Variants in SERTAD2 observed in about 807,000 individuals in gnomAD.
SERTAD2 encodes SERTA domain-containing protein 2.
A neutral mutation model predicts 15.4 loss-of-function variants in SERTAD2; 2 were observed. That is an observed-to-expected ratio of 0.13 (90% CI 0.05 to 0.41). The LOEUF is 0.41. Among genes scored for constraint, SERTAD2 ranks in the 10% least tolerant of loss-of-function variants. The pLI, the probability that SERTAD2 is intolerant of heterozygous loss-of-function variation, is 0.99. For missense variants in SERTAD2, 333 were observed against 409.7 expected (o/e 0.81, Z 1.62); for synonymous variants, 180 against 178.0 (o/e 1.01, Z -0.09).
chr2:64,637,318 G>A (rs1674682294), intron 1 of SERTAD2, among the ~76,000 whole-genome samples: 1 of 152,222 alleles, frequency 6.6e-6, no homozygotes, highest in Non-Finnish European at 1.5e-5. Context: ...AGGTGTCATA[G>A]ATTACAGCTT....
chr2:64,653,105 T>C (rs1675048795), intron 1 of SERTAD2, among the ~76,000 whole-genome samples: 1 of 150,228 alleles, frequency 6.7e-6, no homozygotes, highest in African/African-American at 2.5e-5. Flanking sequence ...GAAAAGAGGG[T>C]GGAGAGGAAG....
At chr2:64,641,363 C>T (rs1030627410) in intron 1 of SERTAD2, among the ~76,000 whole-genome samples, 5 of 152,188 alleles carry the variant, frequency 3.3e-5, no homozygotes, top group African/African-American at 1.2e-4. Flanking sequence ...TGAGAGATTA[C>T]TGTGGGCTGG....
rs1674564471 is a variant in SERTAD2, at chr2:64,632,773, G to C, written c.*3154C>G. On this transcript the variant is annotated 3_prime_UTR_variant, in exon 2 of 2. Transcript: ENST00000313349. The stretch of plus-strand genomic sequence containing the variant: ...TTAATACAGATTTACATTCCTACAA[G>C]AGAATACATTCCTACCATACATTCT... 6.6e-6 allele frequency: 1 copy of C among 152,564 alleles called. No individual in the cohort carries two copies. The highest frequency in any genetic ancestry group is 2.4e-5 in the African/African-American group (1 of 41,418). The allele number at this position is 152,564 out of a possible 1,614,324, so 9.5% of individuals were successfully genotyped here.
chr2:64,636,239 A>G lies in SERTAD2; in HGVS notation c.633T>C (p.Pro211=), dbSNP rs760004997. ...SEAGTQKLDG[P]QESRADDSKL... ...TTGAGTCATCTGCGCGGCTCTCTTGAGGACCGTCGAGTTTCTGGGTGCCAG... is the reference window on the plus strand; with the variant it reads ...TTGAGTCATCTGCGCGGCTCTCTTGGGGACCGTCGAGTTTCTGGGTGCCAG... Residue 211 remains proline (P), a synonymous_variant, in exon 2 of 2, where the codon CCT becomes CCC. Transcript: ENST00000313349. 4 of 1,614,178 alleles carry G rather than the reference A, an allele frequency of 2.5e-6. No homozygotes were observed. In the South Asian group the frequency reaches 3.3e-5, roughly 13 times the overall value.
chr2:64,650,006 G>T (rs76687713), intron 1 of SERTAD2, among the ~76,000 whole-genome samples: 1,638 of 152,274 alleles, frequency 0.011, 18 homozygotes, highest in South Asian at 0.018. Context: ...AACTGCAATG[G>T]GTGCGGAATA....
intron 1 of SERTAD2, among the ~76,000 whole-genome samples, chr2:64,638,692 T>TA (rs1224612932): frequency 5.6e-5 from 4 of 70,964 alleles, no homozygotes; most frequent in African/African-American, 2.1e-4. Context: ...TGTTAACATT[T>TA]AAAAAATGGC....
In SERTAD2 at chr2:64,636,709, T is replaced by C; in HGVS notation, c.163A>G (p.Thr55Ala). 1 of 1,614,128 alleles carries C rather than the reference T, an allele frequency of 6.2e-7. No individual in the cohort carries two copies. Among genetic ancestry groups the C allele is most frequent in the Non-Finnish European group, 8.5e-7 (1 of 1,180,030 alleles). Reference protein sequence around the residue: ...LMKLYNHRPLTEPSLQKTVLI... With the variant: ...LMKLYNHRPLAEPSLQKTVLI... ...ACGGTCTTTTGCAAGCTGGGCTCTG[T>C]CAGGGGCCTGTGGTTATAGAGTTTC... Residue 55 changes from threonine to alanine, a missense_variant, in exon 2 of 2, where the codon ACA (threonine) becomes GCA (alanine). Thr to Ala is a moderately conservative substitution (Grantham distance 58). Transcript: ENST00000313349.
chr2:64,651,954 T>C (rs1458858281), intron 1 of SERTAD2, among the ~76,000 whole-genome samples: 1 of 151,662 alleles, frequency 6.6e-6, no homozygotes, highest in Non-Finnish European at 1.5e-5. Flanking sequence ...GAGAACAACA[T>C]GGTTATGTAT....
At chr2:64,652,063 C>T (rs1419016340) in intron 1 of SERTAD2, among the ~76,000 whole-genome samples, 1 of 151,550 alleles carries the variant, frequency 6.6e-6, no homozygotes, top group Non-Finnish European at 1.5e-5. Flanking sequence ...ATATAATACC[C>T]CTCTAAAGAA....
chr2:64,635,065 T>C lies in SERTAD2; in HGVS notation c.*862A>G, dbSNP rs1257637662. 2 of 152,654 alleles carry C rather than the reference T, an allele frequency of 1.3e-5. No homozygotes were observed. The highest frequency in any genetic ancestry group is 2.9e-5 in the Non-Finnish European group (2 of 68,056). 9.5% of individuals were successfully genotyped at this position (152,654 alleles called of 1,614,324 possible). On this transcript the variant is annotated 3_prime_UTR_variant, in exon 2 of 2. Coordinates refer to ENST00000313349, the MANE Select transcript of SERTAD2 (RefSeq NM_014755.3). ...GCGGGTGTTGGTGCCAGGGGGTCAG[T>C]GCTTGTGAAATTTGGGTGTGATATC...
rs903869213 is a variant in SERTAD2, at chr2:64,632,447, C to A, written c.*3480G>T. 6.6e-6 allele frequency: 1 copy of A among 152,382 alleles called. No homozygotes were observed. Among genetic ancestry groups the A allele is most frequent in the South Asian group, 2.1e-4 (1 of 4,818 alleles). The allele number at this position is 152,382 out of a possible 1,614,324, so 9.4% of individuals were successfully genotyped here. A position where few individuals can be genotyped will look rare whatever the true frequency, so the allele number is the denominator to read the frequency against. On this transcript the variant is annotated 3_prime_UTR_variant, in exon 2 of 2. Coordinates refer to ENST00000313349, the MANE Select transcript of SERTAD2 (RefSeq NM_014755.3). ...GCTGGGGCACTCCAAGGGGCTATGGCGATAAAAAGCTCAATTGGTAAAGAC... is the reference window on the plus strand; with the variant it reads ...GCTGGGGCACTCCAAGGGGCTATGGAGATAAAAAGCTCAATTGGTAAAGAC...
At position 64,632,090 on chromosome 2, in the gene SERTAD2, G is replaced by A. The variant is rs1674544780; in HGVS notation, c.*3837C>T. 1 of 152,578 alleles carries A rather than the reference G, an allele frequency of 6.6e-6. No homozygotes were observed. Among genetic ancestry groups the A allele is most frequent in the Non-Finnish European group, 1.5e-5 (1 of 68,028 alleles). The allele number at this position is 152,578 out of a possible 1,614,324, so 9.5% of individuals were successfully genotyped here. A position where few individuals can be genotyped will look rare whatever the true frequency, so the allele number is the denominator to read the frequency against. On this transcript the variant is annotated 3_prime_UTR_variant, in exon 2 of 2. Transcript: ENST00000313349. ...ACAACTCCATGCCTCCAGGTGCGGG[G>A]CAGTTACAGGAAGGTAACCATTTAC...
intron 1 of SERTAD2, 76 bp from the exon 2 acceptor site, chr2:64,636,951 A>G: frequency 9.2e-7 from 1 of 1,091,596 alleles, no homozygotes; most frequent in Non-Finnish European, 1.3e-6. Flanking sequence ...AGACTGATTT[A>G]GAGGGCAGGA....
rs555159863 is a variant in SERTAD2, at chr2:64,634,780, C to G, written c.*1147G>C. The stretch of plus-strand genomic sequence containing the variant: ...TGCTTTTCGGATGTAAAATTTTGTT[C>G]GGATGTAAAATTTCAGGTCATCATA... On this transcript the variant is annotated 3_prime_UTR_variant, in exon 2 of 2. Coordinates refer to ENST00000313349, the MANE Select transcript of SERTAD2 (RefSeq NM_014755.3). The G allele has an allele frequency of 2.2e-4, 33 of 151,954 alleles. No individual in the cohort carries two copies. Among genetic ancestry groups the G allele is most frequent in the Non-Finnish European group, 2.9e-5 (2 of 68,018 alleles). 9.4% of individuals were successfully genotyped at this position (151,954 alleles called of 1,614,324 possible). A position where few individuals can be genotyped will look rare whatever the true frequency, so the allele number is the denominator to read the frequency against.
intron 1 of SERTAD2, among the ~76,000 whole-genome samples, chr2:64,642,632 C>A (rs955275151): frequency 2.0e-5 from 3 of 152,124 alleles, no homozygotes; most frequent in Admixed American, 6.5e-5. Context: ...CCTACCACCA[C>A]CAACAAAAAC....
At chr2:64,640,186 G>A (rs542560952) in intron 1 of SERTAD2, among the ~76,000 whole-genome samples, 31 of 152,108 alleles carry the variant, frequency 2.0e-4, no homozygotes, top group Admixed American at 4.6e-4. Context: ...AATAAAAAGT[G>A]AAGTCATTTT....
At chr2:64,641,957 T>C (rs531960373) in intron 1 of SERTAD2, among the ~76,000 whole-genome samples, 3 of 152,322 alleles carry the variant, frequency 2.0e-5, no homozygotes, top group Non-Finnish European at 4.4e-5. Context: ...AGCCCTCAAA[T>C]CAGCATTTCC....
chr2:64,636,736 T>C lies in SERTAD2; in HGVS notation c.136A>G (p.Met46Val). ...AGGGGCCTGTGGTTATAGAGTTTCA[T>C]AAGGGAAATGTTGAAGATAGTCTGG... ...QRQTIFNISLMKLYNHRPLTE... is the reference protein window; with the variant it reads ...QRQTIFNISLVKLYNHRPLTE... The change falls in exon 2 of 2, where the codon ATG becomes GTG. Residue 46 changes from methionine (M) to valine (V), a missense_variant. Around this residue, in one of 2 missense-constraint regions of SERTAD2, gnomAD observed 332 missense variants for 392.9 expected, o/e 0.84. Transcript: ENST00000313349. 1 of 1,614,068 alleles carries C rather than the reference T, an allele frequency of 6.2e-7. No individual in the cohort carries two copies. Among genetic ancestry groups the C allele is most frequent in the Non-Finnish European group, 8.5e-7 (1 of 1,180,024 alleles).
Position 64,636,529 on chromosome 2 carries a change from A to G in SERTAD2, c.343T>C (p.Ser115Pro). 6.3e-7 allele frequency: 1 copy of G among 1,596,400 alleles called. No individual in the cohort carries two copies. Among genetic ancestry groups the G allele is most frequent in the Non-Finnish European group, 8.5e-7 (1 of 1,170,308 alleles). ...PAFSHLASPS[S>P]HPCDLGSTTP... ...GTGCTTCCGAGGTCGCAGGGGTGGGAGGACGGGGACGCCAGGTGGCTGAAG... is the reference window on the plus strand; with the variant it reads ...GTGCTTCCGAGGTCGCAGGGGTGGGGGGACGGGGACGCCAGGTGGCTGAAG... The change falls in exon 2 of 2, where the codon TCC (serine) becomes CCC (proline). Residue 115 changes from serine to proline, a missense_variant. Around this residue, in one of 2 missense-constraint regions of SERTAD2, gnomAD observed 332 missense variants for 392.9 expected, o/e 0.84. Transcript: ENST00000313349.
Sources: allele counts gnomAD v4.1 joint callset (sites outside exome capture counted in the v4.1 genomes callset), GRCh38; gene constraint gnomAD v4.1.1; regional missense constraint gnomAD v4.1.1; transcripts MANE v1.5; gene names NCBI Gene and HGNC (gene_info 2026-07-23, HGNC 2026-07-21).